MSI2: variants seen among roughly 807,000 people sequenced by gnomAD.
MSI2 encodes the protein RNA-binding protein Musashi homolog 2.
MSI2 carries 17 observed loss-of-function variants against 45.6 expected under a neutral mutation model. The observed-to-expected ratio is 0.37, with a 90% CI of 0.26 to 0.56. MSI2 has a LOEUF of 0.56. Among genes scored for constraint, MSI2 ranks in the 20% least tolerant of loss-of-function variants. The pLI, the probability that MSI2 is intolerant of heterozygous loss-of-function variation, is 0.77. For missense variants in MSI2, 293 were observed against 444.2 expected (o/e 0.66, Z 3.06); for synonymous variants, 156 against 158.2 (o/e 0.99, Z 0.11).
At chr17:57,655,071 G>A (rs971563295) in intron 11 of MSI2, among the ~76,000 whole-genome samples, 2 of 151,874 alleles carry the variant, frequency 1.3e-5, no homozygotes, top group Non-Finnish European at 2.9e-5. Flanking sequence ...TAGGAGGTCT[G>A]GGGGGGCCTT....
At chr17:57,330,640 T>C (rs1914172937) in intron 5 of MSI2, among the ~76,000 whole-genome samples, 1 of 149,346 alleles carries the variant, frequency 6.7e-6, no homozygotes, top group Non-Finnish European at 1.5e-5. Flanking sequence ...GTGAAGACTT[T>C]TGTCTCTCAG....
chr17:57,699,287 G>A, the MSI2 span, among the ~76,000 whole-genome samples: 15 of 150,982 alleles, frequency 9.9e-5, 1 homozygote, highest in Admixed American at 7.2e-4. Flanking sequence ...GAGAGAGAGA[G>A]AGAGAGTGTG....
the MSI2 span, among the ~76,000 whole-genome samples, chr17:57,696,667 C>T: frequency 6.6e-6 from 1 of 152,222 alleles, no homozygotes; most frequent in South Asian, 2.1e-4. Flanking sequence ...CCCAGGAGTT[C>T]AAGGCTGCAG....
intron 5 of MSI2, among the ~76,000 whole-genome samples, chr17:57,398,250 T>G (rs952232817): frequency 4.6e-5 from 7 of 152,218 alleles, no homozygotes; most frequent in Non-Finnish European, 1.0e-4. Context: ...TAGACAGGGC[T>G]GCTGTATACC....
intron 5 of MSI2, among the ~76,000 whole-genome samples, chr17:57,373,182 G>A (rs1046102891): frequency 4.0e-5 from 6 of 151,778 alleles, no homozygotes; most frequent in Non-Finnish European, 7.4e-5. Flanking sequence ...CCCAGGAGAC[G>A]GAGGTTGCAG....
intron 5 of MSI2, among the ~76,000 whole-genome samples, chr17:57,339,003 G>A (rs1914908533): frequency 6.6e-6 from 1 of 152,254 alleles, no homozygotes; most frequent in African/African-American, 2.4e-5. Flanking sequence ...GGCATCTAAA[G>A]AAGTGGTGGG....
At chr17:57,405,171 G>T (rs560355613) in intron 6 of MSI2, among the ~76,000 whole-genome samples, 1 of 152,180 alleles carries the variant, frequency 6.6e-6, no homozygotes, top group Admixed American at 6.5e-5. Context: ...TCCTTTGCTG[G>T]CCTCGGCTTC....
chr17:57,663,573 G>A (rs928305672), intron 11 of MSI2, among the ~76,000 whole-genome samples: 1 of 152,182 alleles, frequency 6.6e-6, no homozygotes. Context: ...CTGGAGTCCG[G>A]GTCCGTCACT....
intron 6 of MSI2, among the ~76,000 whole-genome samples, chr17:57,486,097 T>G (rs953738787): frequency 1.3e-5 from 2 of 152,214 alleles, no homozygotes; most frequent in African/African-American, 4.8e-5. Context: ...ATGAGTTTTC[T>G]CCACTCATGC....
intron 5 of MSI2, among the ~76,000 whole-genome samples, chr17:57,343,775 C>G (rs1915370090): frequency 6.6e-6 from 1 of 152,108 alleles, no homozygotes; most frequent in African/African-American, 2.4e-5. Flanking sequence ...TGGAATATTT[C>G]CCTAGCCTTT....
intron 7 of MSI2, among the ~76,000 whole-genome samples, chr17:57,543,971 G>A (rs1430019695): frequency 5.3e-5 from 8 of 152,126 alleles, no homozygotes; most frequent in Non-Finnish European, 1.2e-4. Flanking sequence ...CAGAGAGATT[G>A]GTGAGCATAT....
chr17:57,361,920 A>G (rs1157853996), intron 5 of MSI2, among the ~76,000 whole-genome samples: 1 of 152,250 alleles, frequency 6.6e-6, no homozygotes, highest in Admixed American at 6.5e-5. Context: ...AGGCTTACAA[A>G]GATAGAAAAA....
At position 57,439,393 on chromosome 17, in the gene MSI2, C is replaced by T. The variant is rs368690184; in HGVS notation, c.405+37922C>T. 3.9e-4 allele frequency among the ~76,000 whole-genome samples: 59 copies of T among 152,258 alleles called. 1 individual carries two copies. The highest frequency in any genetic ancestry group is 3.4e-3 in the Middle Eastern group (1 of 294). ...AGGACGAGGAGGACTCTGCAGAAAGCACTTCCTTGGCTGTTGGTAGAGATT... is the reference window on the plus strand; with the variant it reads ...AGGACGAGGAGGACTCTGCAGAAAGTACTTCCTTGGCTGTTGGTAGAGATT... On this transcript the variant is annotated intron_variant, in intron 6 of 13. Transcript: ENST00000284073.
intron 10 of MSI2, among the ~76,000 whole-genome samples, chr17:57,634,403 T>C (rs553109531): frequency 6.6e-6 from 1 of 151,528 alleles, no homozygotes; most frequent in Admixed American, 6.6e-5. Flanking sequence ...GAGGCGGAGG[T>C]TGCAGTGAGC....
intron 5 of MSI2, among the ~76,000 whole-genome samples, chr17:57,357,826 T>A (rs907833317): frequency 4.6e-5 from 7 of 152,254 alleles, no homozygotes; most frequent in Non-Finnish European, 7.3e-5. Flanking sequence ...AGTGTTCCGA[T>A]TAATACATTA....
At chr17:57,657,713 C>G (rs1314056347) in intron 11 of MSI2, among the ~76,000 whole-genome samples, 1 of 152,152 alleles carries the variant, frequency 6.6e-6, no homozygotes, top group Non-Finnish European at 1.5e-5. Flanking sequence ...TAGCCTCTGC[C>G]TTATATATGT....
intron 6 of MSI2, among the ~76,000 whole-genome samples, chr17:57,412,067 CCT>C (rs1026423759): frequency 3.3e-5 from 5 of 151,966 alleles, no homozygotes; most frequent in African/African-American, 1.2e-4. Context: ...CTCTGACCTT[CCT>C]CTCTGTCACC....
chr17:57,384,900 T>G (rs1024108120), intron 5 of MSI2, among the ~76,000 whole-genome samples: 5 of 152,214 alleles, frequency 3.3e-5, no homozygotes, highest in African/African-American at 9.6e-5. Context: ...TCTGCAAACC[T>G]GCTGCTTCTG....
intron 7 of MSI2, among the ~76,000 whole-genome samples, chr17:57,543,741 G>A (rs139023943): frequency 1.3e-5 from 2 of 152,200 alleles, no homozygotes; most frequent in East Asian, 3.9e-4. Context: ...CCTCCCCCAT[G>A]CTGTCTTACC....
Sources: allele counts gnomAD v4.1 joint callset (sites outside exome capture counted in the v4.1 genomes callset), GRCh38; gene constraint gnomAD v4.1.1; transcripts MANE v1.5; gene names NCBI Gene and HGNC (gene_info 2026-07-23, HGNC 2026-07-21).